MED12L: variants seen among roughly 807,000 people sequenced by gnomAD.
MED12L encodes mediator of RNA polymerase II transcription subunit 12-like protein.
In MED12L, 60 loss-of-function variants were observed where a neutral mutation model predicts 281.3. The ratio of observed to expected loss-of-function variants is 0.21; its 90% confidence interval spans 0.17 to 0.26. The LOEUF is 0.26. MED12L is among the 10% of genes least tolerant of loss of function. MED12L has a pLI of 1.00. For missense variants in MED12L, 2,146 were observed against 2,680.9 expected (o/e 0.80, Z 4.41); for synonymous variants, 974 against 987.2 (o/e 0.99, Z 0.25).
chr3:151,348,949 T>G (rs892751257), intron 16 of MED12L, among the ~76,000 whole-genome samples: 2 of 152,250 alleles, frequency 1.3e-5, no homozygotes, highest in African/African-American at 4.8e-5. Flanking sequence ...TTGTTTTCTC[T>G]GTGAGGAATT....
At chr3:151,204,871 A>G (rs570789542) in intron 16 of MED12L, among the ~76,000 whole-genome samples, 45 of 152,328 alleles carry the variant, frequency 3.0e-4, no homozygotes, top group African/African-American at 1.0e-3. Flanking sequence ...TGTAGACACA[A>G]TTGAAAAGTA....
chr3:151,382,892 A>G (rs1712643728), intron 33 of MED12L, 147 bp downstream of exon 33: 1 of 601,614 alleles, frequency 1.7e-6, no homozygotes, highest in Non-Finnish European at 2.9e-6. Context: ...CCCTGTTTCT[A>G]AAGCCTTCTG....
At chr3:151,366,713 T>C (rs1755328624) in intron 23 of MED12L, among the ~76,000 whole-genome samples, 1 of 152,214 alleles carries the variant, frequency 6.6e-6, no homozygotes, top group Admixed American at 6.5e-5. Context: ...TGAATTCTGC[T>C]AATCAGGACT....
At chr3:151,210,408 C>T (rs1238284614) in intron 16 of MED12L, among the ~76,000 whole-genome samples, 1 of 152,242 alleles carries the variant, frequency 6.6e-6, no homozygotes, top group Non-Finnish European at 1.5e-5. Context: ...GTGATGACAA[C>T]ATTTCGTAAA....
chr3:151,280,919 G>T (rs1742698931), intron 16 of MED12L, among the ~76,000 whole-genome samples: 1 of 152,008 alleles, frequency 6.6e-6, no homozygotes, highest in African/African-American at 2.4e-5. Context: ...AAGCTAGAAA[G>T]TAGCAGGACT....
intron 16 of MED12L, among the ~76,000 whole-genome samples, chr3:151,195,345 T>C (rs1314199954): frequency 6.6e-6 from 1 of 152,038 alleles, no homozygotes; most frequent in Non-Finnish European, 1.5e-5. Flanking sequence ...TTATTACAGT[T>C]AAAAGTCTCT....
At chr3:151,148,208 C>G (rs1050060051) in intron 5 of MED12L, among the ~76,000 whole-genome samples, 1 of 152,042 alleles carries the variant, frequency 6.6e-6, no homozygotes, top group African/African-American at 2.4e-5. Context: ...ACTGGGTTGT[C>G]TTTTTATTAT....
intron 16 of MED12L, among the ~76,000 whole-genome samples, chr3:151,258,851 CAAAA>C (rs63714361): frequency 1.1e-4 from 10 of 89,902 alleles, no homozygotes; most frequent in Non-Finnish European, 1.5e-4. Context: ...GATTCTGTCT[CAAAA>C]AAAAAAAAAA....
At chr3:151,213,960 T>C (rs1727664131) in intron 16 of MED12L, 2 of 1,614,068 alleles carry the variant, frequency 1.2e-6, no homozygotes, top group Non-Finnish European at 8.5e-7. Flanking sequence ...TTTTATAATA[T>C]CTGTCAAAGC....
At chr3:151,355,282 A>C (rs1357036397) in intron 18 of MED12L, 43 bp downstream of exon 18, 1 of 1,411,096 alleles carries the variant, frequency 7.1e-7, no homozygotes, top group Non-Finnish European at 9.8e-7. Flanking sequence ...CAGTATTCTA[A>C]TTTACTTAAA....
Position 151,372,646 on chromosome 3 carries a change from G to A in MED12L, c.3744G>A (p.Gly1248=), listed in dbSNP as rs780982387. The change falls in exon 27 of 45, where the codon GGG becomes GGA. Residue 1248 remains glycine, a synonymous_variant. Transcript: ENST00000687756. The part of the protein sequence containing the change: ...DFTMRGLRCD[G]NADDIWTASQ... ...CCATGAGAGGTTTGCGATGTGATGG[G>A]AATGCTGATGATATCTGGACTGCCT... 3 of 1,613,896 alleles carry A rather than the reference G, an allele frequency of 1.9e-6. No individual in the cohort carries two copies. In the South Asian group the frequency reaches 3.3e-5, roughly 18 times the overall value.
intron 16 of MED12L, chr3:151,203,087 T>A (rs1019937390): frequency 7.2e-5 from 11 of 152,148 alleles, no homozygotes; most frequent in South Asian, 6.2e-4. Context: ...ATATATTAAG[T>A]GTTTAAAAAG....
chr3:151,168,824 G>T (rs980528092), intron 11 of MED12L, among the ~76,000 whole-genome samples: 32 of 152,202 alleles, frequency 2.1e-4, no homozygotes, highest in Admixed American at 5.9e-4. Context: ...TCATGCCTCA[G>T]CCTCCCCAGT....
In MED12L at chr3:151,411,296, A is replaced by G. The variant is rs375816109; in HGVS notation, c.5929A>G (p.Thr1977Ala). 1.2e-5 allele frequency: 19 copies of G among 1,614,224 alleles called. No homozygotes were observed. Among genetic ancestry groups the G allele is most frequent in the Non-Finnish European group, 1.6e-5 (19 of 1,180,036 alleles). The change falls in exon 41 of 45, where the codon ACA (threonine) becomes GCA (alanine). Residue 1977 changes from threonine to alanine, a missense_variant. Physicochemically the swap from Thr to Ala is moderately conservative, Grantham distance 58. Coordinates refer to ENST00000687756, the MANE Select transcript of MED12L (RefSeq NM_001393769.1). The part of the protein sequence containing the change: ...QQAQTMPQGY[T>A]MYGTQMPLQQ... ...CCTGCAGACCATGCCACAGGGCTATACAATGTATGGGACACAGATGCCTTT... is the reference window on the plus strand; with the variant it reads ...CCTGCAGACCATGCCACAGGGCTATGCAATGTATGGGACACAGATGCCTTT...
intron 16 of MED12L, among the ~76,000 whole-genome samples, chr3:151,284,329 T>C (rs1007494036): frequency 3.3e-5 from 5 of 152,134 alleles, no homozygotes; most frequent in Non-Finnish European, 4.4e-5. Context: ...CCTGACATTA[T>C]GTAGATCAGT....
intron 16 of MED12L, among the ~76,000 whole-genome samples, chr3:151,263,283 A>G (rs1882016): frequency 0.45 from 67,690 of 150,900 alleles, 15,316 homozygotes; most frequent in Middle Eastern, 0.65. Context: ...AAATAATGCC[A>G]GCTGAGTGGA....
At chr3:151,366,444 A>G (rs1036878971) in intron 23 of MED12L, among the ~76,000 whole-genome samples, 1 of 152,218 alleles carries the variant, frequency 6.6e-6, no homozygotes, top group Non-Finnish European at 1.5e-5. Context: ...AAGAATGTCC[A>G]GGTCTAGATT....
At chr3:151,125,417 T>G (rs140269447) in intron 4 of MED12L, among the ~76,000 whole-genome samples, 20 of 152,340 alleles carry the variant, frequency 1.3e-4, no homozygotes, top group Admixed American at 9.8e-4. Context: ...CTGAGTTTTG[T>G]TTGCTGTCTC....
chr3:151,356,519 T>C (rs989620256), intron 19 of MED12L, among the ~76,000 whole-genome samples: 7 of 152,214 alleles, frequency 4.6e-5, no homozygotes, highest in African/African-American at 1.7e-4. Context: ...AGTCTTAAAC[T>C]AACATTTTAT....
Sources: gnomAD v4.1 joint callset for allele counts (sites outside exome capture counted in the v4.1 genomes callset) on GRCh38, gnomAD v4.1.1 for gene constraint, MANE v1.5 for transcripts, NCBI Gene and HGNC (gene_info 2026-07-23, HGNC 2026-07-21) for gene names.